The following FBN2 variants were observed in gnomAD, a reference collection of about 807,000 sequenced individuals.
FBN2 encodes the protein fibrillin-2.
In FBN2, 105 loss-of-function variants were observed where a neutral mutation model predicts 355.6. That is an observed-to-expected ratio of 0.30 (90% confidence interval 0.25 to 0.35). The LOEUF is 0.35. FBN2 is among the 10% of genes least tolerant of loss of function. The pLI, the probability that FBN2 is intolerant of heterozygous loss-of-function variation, is 1.00. For synonymous variants in FBN2, 1,350 were observed against 1,301.2 expected, an observed-to-expected ratio of 1.04 and a Z score of -0.81; for missense variants, 3,280 against 3,758.7, an observed-to-expected ratio of 0.87 and a Z score of 3.33.
chr5:128,472,487 T>C (rs1754888036), intron 5 of FBN2, among the ~76,000 whole-genome samples: 1 of 152,090 alleles, frequency 6.6e-6, no homozygotes, highest in Admixed American at 6.6e-5. Flanking sequence ...TTCAAGCCCC[T>C]GAACTTAAAA....
intron 62 of FBN2, among the ~76,000 whole-genome samples, chr5:128,268,791 T>C (rs1449021663): frequency 6.6e-6 from 1 of 152,184 alleles, no homozygotes; most frequent in Non-Finnish European, 1.5e-5. Flanking sequence ...ATTATCTCAA[T>C]AGATGCAGAA....
chr5:128,427,487 C>G (rs559863193), intron 7 of FBN2, among the ~76,000 whole-genome samples: 1 of 152,140 alleles, frequency 6.6e-6, no homozygotes, highest in Admixed American at 6.5e-5. Flanking sequence ...GAACTCTGAC[C>G]GCCATTCTTT....
chr5:128,432,988 T>C (rs895485578), intron 7 of FBN2, among the ~76,000 whole-genome samples: 3 of 152,084 alleles, frequency 2.0e-5, no homozygotes, highest in Non-Finnish European at 4.4e-5. Flanking sequence ...CCAGATCTCA[T>C]GAGAACTCAC....
intron 28 of FBN2, 106 bp from the exon 29 acceptor site, chr5:128,335,683 CT>C: frequency 7.5e-7 from 1 of 1,336,976 alleles, no homozygotes. Context: ...TTTCTCCCCA[CT>C]ATGTGTGTTG....
intron 5 of FBN2, among the ~76,000 whole-genome samples, chr5:128,492,801 C>G (rs1239501191): frequency 1.7e-5 from 1 of 57,764 alleles, no homozygotes; most frequent in Non-Finnish European, 2.7e-5. Context: ...GAAACTCCAT[C>G]TCAAAAAAAA....
rs1411841330 is a variant in FBN2 at position 128,449,353 on chromosome 5, TATATA to T, written c.827-2752_827-2748del. On this transcript the variant is annotated intron_variant, in intron 6 of 64. Coordinates refer to ENST00000262464, the MANE Select transcript of FBN2 (RefSeq NM_001999.4). Reference sequence around the variant, plus strand: ...GTATACGTATAATTACATAGTATACTATATAGTATACTGTATAATTTATAGTATAC... The same window carrying T: ...GTATACGTATAATTACATAGTATACTGTATACTGTATAATTTATAGTATAC... 6.0e-5 allele frequency among the ~76,000 whole-genome samples: 6 copies of T among 100,454 alleles called. No homozygotes were observed. In the South Asian group the frequency reaches 1.5e-3, roughly 25 times the overall value. 65.9% of individuals were successfully genotyped at this position (100,454 alleles called of 152,430 possible). A position where few individuals can be genotyped will look rare whatever the true frequency, so the allele number is the denominator to read the frequency against.
intron 64 of FBN2, among the ~76,000 whole-genome samples, chr5:128,261,109 A>T (rs907054940): frequency 2.0e-5 from 3 of 152,230 alleles, no homozygotes; most frequent in Non-Finnish European, 4.4e-5. Flanking sequence ...GAAGTTAAAT[A>T]AACACAAACT....
intron 7 of FBN2, among the ~76,000 whole-genome samples, chr5:128,419,096 T>C (rs1262630367): frequency 6.6e-6 from 1 of 152,226 alleles, no homozygotes; most frequent in Non-Finnish European, 1.5e-5. Context: ...ATTCTTTGTA[T>C]AAAAATAAAA....
At chr5:128,512,592 ACT>A (rs1227571876) in intron 5 of FBN2, among the ~76,000 whole-genome samples, 1 of 151,684 alleles carries the variant, frequency 6.6e-6, no homozygotes, top group African/African-American at 2.4e-5. Flanking sequence ...TGAGCAGTTA[ACT>A]CTGTGCTAGA....
intron 21 of FBN2, among the ~76,000 whole-genome samples, chr5:128,350,559 A>G (rs1339937876): frequency 1.3e-5 from 2 of 152,204 alleles, no homozygotes; most frequent in African/African-American, 2.4e-5. Flanking sequence ...CAAAAAAATA[A>G]AAGTAAACAA....
intron 58 of FBN2, 34 bp from the exon 59 acceptor site, chr5:128,276,194 G>A (rs1401249835): frequency 6.2e-7 from 1 of 1,608,950 alleles, no homozygotes. Context: ...TAAATTACTG[G>A]TTAAAAGAAA....
chr5:128,314,029 A>T (rs965823637), intron 36 of FBN2, among the ~76,000 whole-genome samples: 1 of 151,904 alleles, frequency 6.6e-6, no homozygotes, highest in Non-Finnish European at 1.5e-5. Flanking sequence ...ATCCTTGACT[A>T]AACTATGGTC....
chr5:128,331,564 A>C (rs1488945893), intron 32 of FBN2, among the ~76,000 whole-genome samples: 1 of 152,194 alleles, frequency 6.6e-6, no homozygotes, highest in Non-Finnish European at 1.5e-5. Flanking sequence ...CTATGAAGAG[A>C]TCGAATCCAT....
At chr5:128,470,531 G>A (rs998415575) in intron 5 of FBN2, among the ~76,000 whole-genome samples, 1 of 152,132 alleles carries the variant, frequency 6.6e-6, no homozygotes, top group Non-Finnish European at 1.5e-5. Context: ...TTCATCCAGG[G>A]TTTTGCTTTT....
rs552496991 is a variant in FBN2, at chr5:128,312,894, C to G, written c.4718-99G>C. On this transcript the variant is annotated intron_variant, in intron 36 of 64. Transcript: ENST00000262464. ...CAAAGGATGAAATTCAAATTTTGTA[C>G]GTTAACATGAAAGGTTCCTTTTAAT... 8.4e-6 allele frequency: 11 copies of G among 1,308,830 alleles called. No homozygotes were observed. In the South Asian group the frequency reaches 1.1e-4, roughly 13 times the overall value. 81.1% of individuals were successfully genotyped at this position (1,308,830 alleles called of 1,614,324 possible).
In FBN2 at chr5:128,396,274, C is replaced by T. The variant is rs573128960; in HGVS notation, c.1079-1000G>A. Among the ~76,000 whole-genome samples, 5 of 152,276 alleles carry T rather than the reference C, an allele frequency of 3.3e-5. No homozygotes were observed. In the South Asian group the frequency reaches 1.0e-3, roughly 32 times the overall value. ...CACAAGACAAGGCTCCTCTTTAAAACATGTTATATTTGGAATGTTGAATAA... is the reference window on the plus strand; with the variant it reads ...CACAAGACAAGGCTCCTCTTTAAAATATGTTATATTTGGAATGTTGAATAA... On this transcript the variant is annotated intron_variant, in intron 8 of 64. Transcript: ENST00000262464.
rs1483329465 is a variant in FBN2 at position 128,290,872 on chromosome 5, C to T, written c.6305G>A (p.Ser2102Asn). ...ATTTTCAAAATTTGTGAAGCAGAAG[C>T]TCTGGCGAGTATCTAATCAAAAAAG... Reference protein sequence around the residue: ...NGRRCFDTRQSFCFTNFENGK... With the variant: ...NGRRCFDTRQNFCFTNFENGK... The change falls in exon 50 of 65, where the codon AGC becomes AAC. Residue 2102 changes from serine (S) to asparagine (N), a missense_variant. Physicochemically the swap from Ser to Asn is conservative, Grantham distance 46. Transcript: ENST00000262464. 3.1e-6 allele frequency: 5 copies of T among 1,613,970 alleles called. No homozygotes were observed. The highest frequency in any genetic ancestry group is 4.2e-6 in the Non-Finnish European group (5 of 1,179,908).
At chr5:128,364,263 GACTT>G (rs1751711613) in intron 18 of FBN2, among the ~76,000 whole-genome samples, 1 of 151,936 alleles carries the variant, frequency 6.6e-6, no homozygotes, top group Non-Finnish European at 1.5e-5. Flanking sequence ...TTATTTTCTT[GACTT>G]ACTTTTATCC....
intron 5 of FBN2, among the ~76,000 whole-genome samples, chr5:128,479,974 CTCTATATATATATATATATATATATA>C (rs1264260325): frequency 0.014 from 234 of 17,214 alleles, no homozygotes; most frequent in East Asian, 0.022. Flanking sequence ...CTCTCTCTCT[CTCTATATATATATATATATATATATA>C]TATATATATA....
Sources: gnomAD v4.1 joint callset for allele counts (sites outside exome capture counted in the v4.1 genomes callset) on GRCh38, gnomAD v4.1.1 for gene constraint, MANE v1.5 for transcripts, NCBI Gene and HGNC (gene_info 2026-07-23, HGNC 2026-07-21) for gene names.